ADGB: variants seen among roughly 807,000 people sequenced by gnomAD.
ADGB encodes the protein androglobin.
ADGB carries 172 observed loss-of-function variants against 210.5 expected under a neutral mutation model. That is an observed-to-expected ratio of 0.82 (90% confidence interval 0.72 to 0.93). The LOEUF (loss-of-function observed/expected upper bound fraction) is 0.93, where lower values mean the gene tolerates loss of function less well. Ranked by LOEUF, ADGB falls within the 40% of genes least tolerant of loss-of-function variation. ADGB has a pLI of 0.00. For synonymous variants in ADGB, 658 were observed against 662.7 expected (o/e 0.99, Z 0.11); for missense variants, 2,025 against 1,964.8 (o/e 1.03, Z -0.58).
At chr6:146,643,408 C>T (rs1315287483) in intron 2 of ADGB, among the ~76,000 whole-genome samples, 1 of 151,810 alleles carries the variant, frequency 6.6e-6, no homozygotes, top group Non-Finnish European at 1.5e-5. Context: ...AACTTAGTCG[C>T]TCTTTTTCCT....
chr6:146,765,047 C>T (rs2114626566), intron 28 of ADGB, among the ~76,000 whole-genome samples: 1 of 152,238 alleles, frequency 6.6e-6, no homozygotes, highest in East Asian at 1.9e-4. Flanking sequence ...GATCCACCTG[C>T]CGTGGCCTCC....
At chr6:146,786,038 A>G (rs1777867380) in intron 32 of ADGB, among the ~76,000 whole-genome samples, 1 of 151,362 alleles carries the variant, frequency 6.6e-6, no homozygotes, top group African/African-American at 2.4e-5. Context: ...TAAAACTTGA[A>G]GGTAGGTCTA....
At chr6:146,630,600 T>G (rs1272417526) in intron 1 of ADGB, among the ~76,000 whole-genome samples, 1 of 151,814 alleles carries the variant, frequency 6.6e-6, no homozygotes, top group Non-Finnish European at 1.5e-5. Context: ...GATCCAGAAG[T>G]GAAGAGAAAA....
intron 6 of ADGB, among the ~76,000 whole-genome samples, chr6:146,666,514 T>C (rs916867318): frequency 6.6e-6 from 1 of 151,980 alleles, no homozygotes; most frequent in African/African-American, 2.4e-5. Context: ...GATTATATTC[T>C]AATTATATAT....
intron 1 of ADGB, among the ~76,000 whole-genome samples, chr6:146,605,079 C>G (rs981304405): frequency 6.6e-6 from 1 of 152,016 alleles, no homozygotes. Flanking sequence ...AGCAGAATGA[C>G]AGGGATAGAT....
In ADGB at chr6:146,788,479, G is replaced by T. The variant is rs1182786633; in HGVS notation, c.4406G>T (p.Ser1469Ile). ...GAGATGACACAAACAGGATCAGGGA[G>T]TGCGGTGTGGAAGAAGTGGCAATTG... is the stretch of plus-strand genomic sequence containing the variant. ...SKEMTQTGSG[S>I]AVWKKWQLTK... is the part of the protein sequence containing the mutation. Residue 1469 changes from serine (S) to isoleucine (I), a missense_variant, in exon 33 of 36, where the codon AGT (serine) becomes ATT (isoleucine). By Grantham distance (142) the Ser-to-Ile change is moderately radical. Coordinates refer to ENST00000397944, the MANE Select transcript of ADGB (RefSeq NM_024694.4). 6.4e-7 allele frequency: 1 copy of T among 1,551,548 alleles called. No homozygotes were observed.
chr6:146,606,723 T>C (rs1319160954), intron 1 of ADGB, among the ~76,000 whole-genome samples: 1 of 152,168 alleles, frequency 6.6e-6, no homozygotes, highest in Non-Finnish European at 1.5e-5. Context: ...GTAGGTAGCT[T>C]TATTTCCATG....
At chr6:146,674,042 T>A (rs1392977952) in intron 8 of ADGB, among the ~76,000 whole-genome samples, 1 of 152,172 alleles carries the variant, frequency 6.6e-6, no homozygotes, top group Non-Finnish European at 1.5e-5. Context: ...CAGAGCATTT[T>A]GTCATCGGGG....
intron 33 of ADGB, among the ~76,000 whole-genome samples, chr6:146,789,516 G>A (rs1243228495): frequency 6.6e-6 from 1 of 152,178 alleles, no homozygotes; most frequent in Non-Finnish European, 1.5e-5. Flanking sequence ...AAATTAAGAA[G>A]TGTTTAAAGC....
chr6:146,702,984 G>A (rs1023961707), intron 13 of ADGB, among the ~76,000 whole-genome samples: 1 of 151,716 alleles, frequency 6.6e-6, no homozygotes, highest in African/African-American at 2.4e-5. Flanking sequence ...TTGCCAATCA[G>A]ATTGGTAAGA....
At chr6:146,808,945 T>C (rs539220251) in intron 35 of ADGB, among the ~76,000 whole-genome samples, 12 of 152,020 alleles carry the variant, frequency 7.9e-5, no homozygotes, top group South Asian at 6.2e-4. Flanking sequence ...AAGTGGCCAT[T>C]GCGATCGTGG....
At chr6:146,660,281 C>T (rs1314201636) in intron 5 of ADGB, among the ~76,000 whole-genome samples, 1 of 152,128 alleles carries the variant, frequency 6.6e-6, no homozygotes, top group Non-Finnish European at 1.5e-5. Flanking sequence ...TTCTATCATT[C>T]AATTACTTTG....
chr6:146,688,553 G>C (rs1343236847), intron 10 of ADGB, among the ~76,000 whole-genome samples: 1 of 152,080 alleles, frequency 6.6e-6, no homozygotes, highest in African/African-American at 2.4e-5. Flanking sequence ...ATGCGTGAGA[G>C]CCAAGGCATA....
intron 35 of ADGB, among the ~76,000 whole-genome samples, chr6:146,807,041 G>A (rs1194217450): frequency 3.3e-5 from 5 of 152,096 alleles, no homozygotes. Flanking sequence ...ATACATGTGG[G>A]GAACTAGTAA....
intron 5 of ADGB, 47 bp from the exon 6 acceptor site, chr6:146,664,154 G>A (rs182494442): frequency 1.4e-6 from 2 of 1,481,306 alleles, no homozygotes; most frequent in Admixed American, 4.7e-5. Context: ...CGAGAGAAAA[G>A]ACTGTAAGCC....
At position 146,666,783 on chromosome 6, in the gene ADGB, G is replaced by T. The variant is rs770669429; in HGVS notation, c.753-33G>T. 7.0e-6 allele frequency: 10 copies of T among 1,427,730 alleles called. No homozygotes were observed. In the Admixed American group the frequency reaches 1.2e-4, roughly 18 times the overall value. The allele number at this position is 1,427,730 out of a possible 1,614,324, so 88.4% of individuals were successfully genotyped here. The stretch of plus-strand genomic sequence containing the variant: ...ATATCTTTATGTGTTTTCAAATTTT[G>T]CTACCTGTAACATTATGCATGTTCT... On this transcript the variant is annotated intron_variant, in intron 6 of 35. Coordinates refer to ENST00000397944, the MANE Select transcript of ADGB (RefSeq NM_024694.4).
At chr6:146,780,134 C>G (rs948779363) in intron 29 of ADGB, among the ~76,000 whole-genome samples, 1 of 151,672 alleles carries the variant, frequency 6.6e-6, no homozygotes, top group Non-Finnish European at 1.5e-5. Context: ...TTTTTGTATA[C>G]TATTGAAATT....
intron 22 of ADGB, among the ~76,000 whole-genome samples, chr6:146,734,249 T>C (rs1777046849): frequency 6.6e-6 from 1 of 152,210 alleles, no homozygotes; most frequent in Admixed American, 6.5e-5. Flanking sequence ...ACACAATAAA[T>C]ACTTGCTGAA....
intron 8 of ADGB, among the ~76,000 whole-genome samples, chr6:146,675,484 A>G (rs1276380265): frequency 6.6e-6 from 1 of 152,082 alleles, no homozygotes; most frequent in Non-Finnish European, 1.5e-5. Flanking sequence ...AAAAGAAAAA[A>G]AAAAGCTAAG....
Sources: allele counts gnomAD v4.1 joint callset (sites outside exome capture counted in the v4.1 genomes callset), GRCh38; gene constraint gnomAD v4.1.1; transcripts MANE v1.5; gene names NCBI Gene and HGNC (gene_info 2026-07-23, HGNC 2026-07-21).